Variants in COL26A1 observed in about 807,000 individuals in gnomAD.
COL26A1 encodes collagen type XXVI alpha 1 chain, also known as collagen alpha-1(XXVI) chain.
COL26A1 carries 41 observed loss-of-function variants against 59.3 expected under a neutral mutation model. That is an observed-to-expected ratio of 0.69 (90% CI 0.54 to 0.90). The LOEUF (loss-of-function observed/expected upper bound fraction) is 0.90, where lower values mean the gene tolerates loss of function less well. COL26A1 is among the 40% of genes least tolerant of loss of function. The pLI is 0.00. For synonymous variants in COL26A1, 266 were observed against 256.0 expected, an observed-to-expected ratio of 1.04 and a Z score of -0.37; for missense variants, 612 against 602.3, an observed-to-expected ratio of 1.02 and a Z score of -0.17.
At chr7:101,424,499 G>A (rs971227661) in intron 2 of COL26A1, among the ~76,000 whole-genome samples, 1 of 151,960 alleles carries the variant, frequency 6.6e-6, no homozygotes, top group African/African-American at 2.4e-5. Context: ...TCAGGAGGCT[G>A]AGGCAGGAGA....
At chr7:101,555,701 A>G (rs1795958041) in intron 11 of COL26A1, 86 bp from the exon 12 acceptor site, 3 of 929,846 alleles carry the variant, frequency 3.2e-6, no homozygotes, top group Non-Finnish European at 1.6e-6. Context: ...GGGGGCTTTG[A>G]GGACACATAC....
chr7:101,517,376 G>GAA (rs111373059), intron 3 of COL26A1, among the ~76,000 whole-genome samples: 3 of 151,988 alleles, frequency 2.0e-5, no homozygotes, highest in East Asian at 1.9e-4. Context: ...GCAATTTACA[G>GAA]AAAAAAAGAG....
intron 2 of COL26A1, among the ~76,000 whole-genome samples, chr7:101,442,050 C>T (rs1027200423): frequency 6.6e-6 from 1 of 152,144 alleles, no homozygotes; most frequent in Non-Finnish European, 1.5e-5. Context: ...TTGATCCCAT[C>T]GTGCAGAGGT....
chr7:101,475,655 GTGT>G (rs1162471941), intron 3 of COL26A1, among the ~76,000 whole-genome samples: 2 of 151,918 alleles, frequency 1.3e-5, no homozygotes, highest in African/African-American at 4.8e-5. Flanking sequence ...GTGTGTTTCC[GTGT>G]TGTTGTGATG....
intron 1 of COL26A1, among the ~76,000 whole-genome samples, chr7:101,396,170 G>T (rs748834966): frequency 3.3e-5 from 5 of 151,942 alleles, no homozygotes; most frequent in Admixed American, 1.3e-4. Flanking sequence ...GGGAGGGTGA[G>T]GGGGGGATAA....
At chr7:101,413,171 G>C (rs372100860) in intron 1 of COL26A1, among the ~76,000 whole-genome samples, 18 of 152,250 alleles carry the variant, frequency 1.2e-4, no homozygotes, top group Admixed American at 4.6e-4. Context: ...GTGGTGGCTC[G>C]GGACGGTTTG....
chr7:101,491,216 G>A (rs1420764112), intron 3 of COL26A1, among the ~76,000 whole-genome samples: 1 of 152,074 alleles, frequency 6.6e-6, no homozygotes. Context: ...TAGATCACGA[G>A]AGCTGGTTTT....
chr7:101,464,873 G>A (rs558224777), intron 3 of COL26A1, among the ~76,000 whole-genome samples: 4 of 150,782 alleles, frequency 2.7e-5, no homozygotes, highest in East Asian at 4.0e-4. Context: ...CACCATGCCC[G>A]GCTAATTTTA....
At chr7:101,446,934 A>G (rs1327310900) in intron 2 of COL26A1, among the ~76,000 whole-genome samples, 1 of 152,030 alleles carries the variant, frequency 6.6e-6, no homozygotes, top group East Asian at 1.9e-4. Flanking sequence ...TTATCACTCA[A>G]ATCAGTCTCC....
intron 2 of COL26A1, among the ~76,000 whole-genome samples, chr7:101,433,509 A>C (rs1792829928): frequency 6.6e-6 from 1 of 152,082 alleles, no homozygotes; most frequent in Non-Finnish European, 1.5e-5. Context: ...CAGAGAATGC[A>C]CTGTCCCAGA....
intron 1 of COL26A1, among the ~76,000 whole-genome samples, chr7:101,413,696 G>A (rs1031850084): frequency 6.6e-6 from 1 of 152,184 alleles, no homozygotes; most frequent in African/African-American, 2.4e-5. Flanking sequence ...AAATGAGGAA[G>A]GAACATTGCT....
chr7:101,547,047 C>G, intron 7 of COL26A1, 109 bp from the exon 8 acceptor site: 1 of 679,192 alleles, frequency 1.5e-6, no homozygotes, highest in Non-Finnish European at 2.5e-6. Flanking sequence ...ATGGGAGGAG[C>G]CCCCCTGGGC....
At chr7:101,460,467 TC>T (rs1441360186) in intron 3 of COL26A1, among the ~76,000 whole-genome samples, 1 of 152,022 alleles carries the variant, frequency 6.6e-6, no homozygotes, top group African/African-American at 2.4e-5. Context: ...CTAAGGATAC[TC>T]CAGCATCTCT....
chr7:101,438,810 A>C (rs1184052704), intron 2 of COL26A1, among the ~76,000 whole-genome samples: 3 of 151,430 alleles, frequency 2.0e-5, no homozygotes, highest in Non-Finnish European at 4.4e-5. Context: ...AGCTGGGATC[A>C]CAGGCGTGCA....
chr7:101,551,228 G>T (rs113180681), intron 10 of COL26A1, 85 bp downstream of exon 10: 2 of 1,038,980 alleles, frequency 1.9e-6, no homozygotes, highest in South Asian at 1.5e-5. Context: ...GGCGGGGGTT[G>T]GTGGGGGGGT....
chr7:101,402,896 A>G (rs549261464), intron 1 of COL26A1, among the ~76,000 whole-genome samples: 2 of 150,242 alleles, frequency 1.3e-5, no homozygotes, highest in Non-Finnish European at 3.0e-5. Flanking sequence ...CCCAAGCTAG[A>G]GTGTGGTGGT....
intron 3 of COL26A1, among the ~76,000 whole-genome samples, chr7:101,526,746 C>T (rs771110712): frequency 3.9e-5 from 6 of 152,036 alleles, no homozygotes; most frequent in Non-Finnish European, 7.4e-5. Flanking sequence ...GGGCAGAGCC[C>T]GGAAGTGAGA....
chr7:101,447,913 C>A, intron 3 of COL26A1, 126 bp downstream of exon 3: 1 of 670,324 alleles, frequency 1.5e-6, no homozygotes, highest in Non-Finnish European at 2.7e-6. Flanking sequence ...TTCCTTTTCC[C>A]AATCGCCTCT....
intron 3 of COL26A1, among the ~76,000 whole-genome samples, chr7:101,489,693 CTT>C (rs775855627): frequency 8.5e-5 from 1 of 11,808 alleles, no homozygotes; most frequent in African/African-American, 3.5e-4. Flanking sequence ...TTCTTTCTTT[CTT>C]TCTGTCTTTC....
Sources: allele counts gnomAD v4.1 joint callset (sites outside exome capture counted in the v4.1 genomes callset), GRCh38; gene constraint gnomAD v4.1.1; transcripts MANE v1.5; gene names NCBI Gene and HGNC (gene_info 2026-07-23, HGNC 2026-07-21).